The following DPP6 variants were observed in gnomAD, a reference collection of about 807,000 sequenced individuals.
DPP6 encodes the protein A-type potassium channel modulatory protein DPP6.
A neutral mutation model predicts 122.6 loss-of-function variants in DPP6; 69 were observed. That is an observed-to-expected ratio of 0.56 (90% CI 0.46 to 0.69). DPP6 has a LOEUF of 0.69. Among genes scored for constraint, DPP6 ranks in the 30% least tolerant of loss-of-function variants. The pLI, the probability that DPP6 is intolerant of heterozygous loss-of-function variation, is 0.00. For synonymous variants in DPP6, 418 were observed against 433.1 expected, an observed-to-expected ratio of 0.97 and a Z score of 0.43; for missense variants, 928 against 1,116.9, an observed-to-expected ratio of 0.83 and a Z score of 2.41.
the DPP6 span, among the ~76,000 whole-genome samples, chr7:153,793,596 C>A: frequency 3.8e-4 from 57 of 151,338 alleles, no homozygotes; most frequent in African/African-American, 1.4e-3. Context: ...TTTCTGCAAG[C>A]TGGCTGCAGA....
intron 1 of DPP6, among the ~76,000 whole-genome samples, chr7:154,344,216 T>C (rs2337883): frequency 0.073 from 11,044 of 152,180 alleles, 1,241 homozygotes; most frequent in African/African-American, 0.24. Context: ...AAGCACACCC[T>C]CACGTCTGTG....
chr7:153,877,254 A>C, the DPP6 span, among the ~76,000 whole-genome samples: 41 of 152,162 alleles, frequency 2.7e-4, no homozygotes, highest in Non-Finnish European at 4.7e-4. Context: ...ACCTTAAGAC[A>C]CAAATAATAC....
intron 6 of DPP6, among the ~76,000 whole-genome samples, chr7:154,664,055 T>C (rs1232779226): frequency 9.4e-6 from 1 of 105,984 alleles, no homozygotes; most frequent in African/African-American, 2.7e-5. Context: ...ATATCGGCCG[T>C]AGTGTTCATA....
chr7:153,760,146 T>C, the DPP6 span, among the ~76,000 whole-genome samples: 21 of 152,356 alleles, frequency 1.4e-4, no homozygotes, highest in South Asian at 3.7e-3. Context: ...TTTATTCTTA[T>C]GTCTTCAAGT....
chr7:153,789,162 A>C, the DPP6 span, among the ~76,000 whole-genome samples: 1 of 152,110 alleles, frequency 6.6e-6, no homozygotes, highest in South Asian at 2.1e-4. Context: ...CCAAAATTTC[A>C]AGTGGTGATA....
upstream of DPP6, among the ~76,000 whole-genome samples, chr7:153,884,878 G>T (rs535536025): frequency 1.7e-3 from 251 of 151,496 alleles, 3 homozygotes; most frequent in Non-Finnish European, 2.4e-4. Context: ...TACTTGGGAG[G>T]CTGAGGCAGG....
At position 154,624,742 on chromosome 7, in the gene DPP6, G is replaced by A. The variant is rs931807661; in HGVS notation, c.628-13079G>A. 6.6e-6 allele frequency among the ~76,000 whole-genome samples: 1 copy of A among 152,130 alleles called. No individual in the cohort carries two copies. The highest frequency in any genetic ancestry group is 1.5e-5 in the Non-Finnish European group (1 of 68,014). ...GAGCCTAGGAAACAGTGTCTCCCAG[G>A]AAGAAACCTGTTAATCTGCACCATG... On this transcript the variant is annotated intron_variant, in intron 5 of 25. Transcript: ENST00000377770. This position sits in a 1 kb window ranked among gnomAD's most constrained non-coding sequence, Gnocchi z 4.7.
intron 1 of DPP6, among the ~76,000 whole-genome samples, chr7:153,926,277 A>G (rs1228605960): frequency 2.6e-5 from 4 of 152,198 alleles, no homozygotes; most frequent in Non-Finnish European, 5.9e-5. Context: ...AAATTGTCTC[A>G]TTAATTTGTG....
intron 1 of DPP6, among the ~76,000 whole-genome samples, chr7:154,352,186 G>A (rs188225962): frequency 1.6e-4 from 24 of 152,248 alleles, no homozygotes; most frequent in African/African-American, 4.8e-4. Context: ...AGACAAGGCC[G>A]GGCACGGTGG....
intron 1 of DPP6, among the ~76,000 whole-genome samples, chr7:154,115,594 A>C (rs2150593936): frequency 6.6e-6 from 1 of 152,294 alleles, no homozygotes; most frequent in South Asian, 2.1e-4. Context: ...TTGGGATTGA[A>C]AAAGTTCACA....
At chr7:154,388,597 C>G (rs1030439808) in intron 1 of DPP6, among the ~76,000 whole-genome samples, 1 of 152,040 alleles carries the variant, frequency 6.6e-6, no homozygotes, top group African/African-American at 2.4e-5. Flanking sequence ...TTATCTCTGC[C>G]AGGGTCTGCT....
intron 1 of DPP6, among the ~76,000 whole-genome samples, chr7:154,320,969 T>A (rs1415067413): frequency 6.6e-6 from 1 of 152,140 alleles, no homozygotes; most frequent in African/African-American, 2.4e-5. Flanking sequence ...GCACAAAGGA[T>A]CCAATGGAAA....
chr7:154,875,933 G>A lies in DPP6; in HGVS notation c.1911G>A (p.Val637=), dbSNP rs2230064. ...VVDGTPGSQS[V]AEKFEVSWET... ...ATGGCACCCCAGGCAGCCAGAGTGTGGCTGAGAAGTTCGAGGTGAGCTGGG... is the reference window on the plus strand; with the variant it reads ...ATGGCACCCCAGGCAGCCAGAGTGTAGCTGAGAAGTTCGAGGTGAGCTGGG... The change falls in exon 20 of 26, where the codon GTG becomes GTA. Residue 637 remains valine, a synonymous_variant. Transcript: ENST00000377770. The surrounding 1 kb of genome is among the most constrained non-coding windows in gnomAD (Gnocchi z 4.5). 0.33 allele frequency: 526,218 copies of A among 1,611,746 alleles called. 91,480 individuals are homozygous for A. The highest frequency in any genetic ancestry group is 0.37 in the Non-Finnish European group (430,724 of 1,178,766).
intron 1 of DPP6, among the ~76,000 whole-genome samples, chr7:154,149,238 T>G (rs1243158178): frequency 6.6e-6 from 1 of 152,302 alleles, no homozygotes; most frequent in African/African-American, 2.4e-5. Flanking sequence ...CCACTCATCC[T>G]GCACACGCTG....
At chr7:154,687,343 T>C (rs1053155785) in intron 7 of DPP6, among the ~76,000 whole-genome samples, 3 of 152,238 alleles carry the variant, frequency 2.0e-5, no homozygotes, top group Non-Finnish European at 2.9e-5. Context: ...AGTTTTCTAT[T>C]TTTAAATGTA....
intron 13 of DPP6, among the ~76,000 whole-genome samples, chr7:154,803,267 G>A (rs1335664895): frequency 1.3e-5 from 2 of 152,208 alleles, no homozygotes; most frequent in Non-Finnish European, 2.9e-5. Flanking sequence ...AGATGGCCCT[G>A]TCTCTCTCTT....
chr7:154,753,252 T>C (rs1843487763), intron 8 of DPP6, among the ~76,000 whole-genome samples: 1 of 152,148 alleles, frequency 6.6e-6, no homozygotes, highest in South Asian at 2.1e-4. Context: ...GTGTCACTCA[T>C]TGATCAACGT....
intron 2 of DPP6, among the ~76,000 whole-genome samples, chr7:154,450,054 AAATG>A (rs1012649166): frequency 4.3e-5 from 6 of 141,122 alleles, no homozygotes; most frequent in Admixed American, 2.2e-4. Flanking sequence ...ATAAATAAAT[AAATG>A]TGATGTAACC....
chr7:154,573,882 C>G (rs1229377262), intron 5 of DPP6, among the ~76,000 whole-genome samples: 1 of 152,180 alleles, frequency 6.6e-6, no homozygotes, highest in Non-Finnish European at 1.5e-5. Flanking sequence ...AGACTGCTGC[C>G]TCCTGTTGTG....
Sources: gnomAD v4.1 joint callset for allele counts (sites outside exome capture counted in the v4.1 genomes callset) on GRCh38, gnomAD v4.1.1 for gene constraint, Gnocchi (gnomAD v3.1) non-coding constraint, MANE v1.5 for transcripts, NCBI Gene and HGNC (gene_info 2026-07-23, HGNC 2026-07-21) for gene names.